The following CNTN6 variants were observed in gnomAD, a reference collection of about 807,000 sequenced individuals.
CNTN6 encodes contactin 6.
A neutral mutation model predicts 122.8 loss-of-function variants in CNTN6; 137 were observed. That is an observed-to-expected ratio of 1.12 (90% CI 0.97 to 1.29). The LOEUF (loss-of-function observed/expected upper bound fraction) is 1.29. CNTN6 is among the 50% of genes most tolerant of loss of function. CNTN6 has a pLI of 0.00. For missense variants in CNTN6, 1,634 were observed against 1,223.4 expected (o/e 1.34, Z -5.01); for synonymous variants, 570 against 426.0 (o/e 1.34, Z -4.16).
chr3:1,309,690 G>T (rs993727856), intron 7 of CNTN6, among the ~76,000 whole-genome samples: 1 of 151,996 alleles, frequency 6.6e-6, no homozygotes, highest in Non-Finnish European at 1.5e-5. Context: ...GTTTTGATTG[G>T]GATTGACTTA....
intron 1 of CNTN6, among the ~76,000 whole-genome samples, chr3:1,138,595 C>A (rs1447693875): frequency 2.0e-5 from 3 of 151,836 alleles, no homozygotes; most frequent in South Asian, 4.1e-4. Context: ...ACCACTTTTT[C>A]TTAAATACAT....
At chr3:1,212,387 G>C (rs560732768) in intron 2 of CNTN6, among the ~76,000 whole-genome samples, 1 of 151,146 alleles carries the variant, frequency 6.6e-6, no homozygotes, top group Non-Finnish European at 1.5e-5. Flanking sequence ...ATTTTGTAGA[G>C]AGTACCATTA....
Position 1,173,906 on chromosome 3 carries a change from G to A in CNTN6, c.55+25843G>A, listed in dbSNP as rs139565720. 2.9e-3 allele frequency among the ~76,000 whole-genome samples: 440 copies of A among 152,180 alleles called. 2 individuals carry two copies. The highest frequency in any genetic ancestry group is 4.6e-3 in the Non-Finnish European group (316 of 68,016). On this transcript the variant is annotated intron_variant, in intron 2 of 22. Transcript: ENST00000446702. ...TCTGTTTCTTTATTTGTAAACTGGT[G>A]GGGTTGGAATTATGAATTTTAAATT... is the stretch of plus-strand genomic sequence containing the variant.
chr3:1,383,522 T>A (rs1575986883), intron 19 of CNTN6, 114 bp downstream of exon 19: 1 of 758,840 alleles, frequency 1.3e-6, no homozygotes, highest in East Asian at 2.5e-5. Context: ...AATGTGTGTC[T>A]AAAGCTAAAG....
At chr3:1,314,505 A>G (rs1376275103) in intron 7 of CNTN6, among the ~76,000 whole-genome samples, 1 of 152,142 alleles carries the variant, frequency 6.6e-6, no homozygotes, top group Non-Finnish European at 1.5e-5. Flanking sequence ...AAGCTTTCTC[A>G]AATAGCACTA....
At chr3:1,119,717 A>C (rs928401781) in intron 1 of CNTN6, among the ~76,000 whole-genome samples, 17 of 151,906 alleles carry the variant, frequency 1.1e-4, no homozygotes, top group Non-Finnish European at 1.9e-4. Context: ...TGAAATTGTC[A>C]TTGACTTTAT....
intron 4 of CNTN6, among the ~76,000 whole-genome samples, chr3:1,259,151 G>A (rs2094805565): frequency 6.6e-6 from 1 of 152,044 alleles, no homozygotes; most frequent in South Asian, 2.1e-4. Flanking sequence ...CATTTATTAA[G>A]CATTTGCTAA....
intron 5 of CNTN6, among the ~76,000 whole-genome samples, chr3:1,281,832 G>A (rs1693501206): frequency 1.3e-5 from 2 of 152,142 alleles, no homozygotes; most frequent in African/African-American, 4.8e-5. Flanking sequence ...AGGGAGTTCG[G>A]CAGCAAGGGA....
intron 4 of CNTN6, among the ~76,000 whole-genome samples, chr3:1,228,494 A>T (rs981095754): frequency 5.3e-5 from 8 of 152,204 alleles, no homozygotes; most frequent in Non-Finnish European, 1.0e-4. Flanking sequence ...CAGCTGCATC[A>T]CATAAATGTC....
intron 2 of CNTN6, among the ~76,000 whole-genome samples, chr3:1,210,693 T>A (rs1219001016): frequency 6.6e-6 from 1 of 152,172 alleles, no homozygotes; most frequent in Non-Finnish European, 1.5e-5. Flanking sequence ...TTAATAGGGA[T>A]GTGATTTTGA....
At chr3:1,302,688 T>C (rs982945806) in intron 7 of CNTN6, among the ~76,000 whole-genome samples, 8 of 152,186 alleles carry the variant, frequency 5.3e-5, no homozygotes, top group African/African-American at 1.9e-4. Flanking sequence ...AACTAGGAAA[T>C]ATCACCCCCT....
At chr3:1,285,231 G>A (rs1215413972) in intron 5 of CNTN6, among the ~76,000 whole-genome samples, 1 of 152,194 alleles carries the variant, frequency 6.6e-6, no homozygotes, top group African/African-American at 2.4e-5. Flanking sequence ...CTGAAAGATT[G>A]AATGTGGGTT....
chr3:1,243,844 G>A (rs934191951), intron 4 of CNTN6, among the ~76,000 whole-genome samples: 7 of 152,008 alleles, frequency 4.6e-5, no homozygotes, highest in Non-Finnish European at 8.8e-5. Flanking sequence ...TGGGGAGGAC[G>A]GGAAAGGTCA....
chr3:1,363,988 T>G (rs1455703087), intron 12 of CNTN6, among the ~76,000 whole-genome samples: 1 of 151,960 alleles, frequency 6.6e-6, no homozygotes. Flanking sequence ...GGTTTAGATT[T>G]GCATTTGCCT....
At position 1,295,504 on chromosome 3, in the gene CNTN6, A is replaced by C. The variant is rs560210; in HGVS notation, c.455-97A>C. On this transcript the variant is annotated intron_variant, in intron 5 of 22. Coordinates refer to ENST00000446702, the MANE Select transcript of CNTN6 (RefSeq NM_001289080.2). The stretch of plus-strand genomic sequence containing the variant: ...GCAAATAGAGGCACAATTTTCTCCT[A>C]ATTATGGGGAAGTAAGACAAAGAAT... 2,644 of 975,174 alleles carry C rather than the reference A, an allele frequency of 2.7e-3. 49 individuals are homozygous for C. The African/African-American group carries it at 0.037, about 14-fold the overall frequency. 60.4% of individuals were successfully genotyped at this position (975,174 alleles called of 1,614,324 possible). A position where few individuals can be genotyped will look rare whatever the true frequency, so the allele number is the denominator to read the frequency against.
intron 11 of CNTN6, among the ~76,000 whole-genome samples, chr3:1,333,259 T>C (rs1437584900): frequency 6.6e-6 from 1 of 152,062 alleles, no homozygotes. Flanking sequence ...GTACATACAC[T>C]GTTCAATGCT....
chr3:1,299,744 G>GA (rs890693558), intron 7 of CNTN6, among the ~76,000 whole-genome samples: 3 of 152,142 alleles, frequency 2.0e-5, no homozygotes, highest in Non-Finnish European at 2.9e-5. Context: ...AACTGCTTTT[G>GA]AAATCCTGGG....
chr3:1,310,354 T>G (rs1454295890), intron 7 of CNTN6, among the ~76,000 whole-genome samples: 1 of 152,156 alleles, frequency 6.6e-6, no homozygotes, highest in African/African-American at 2.4e-5. Flanking sequence ...TCCAAATGCT[T>G]TTTTTGGCAC....
At chr3:1,384,792 T>TACACAC (rs1478251803) in intron 19 of CNTN6, among the ~76,000 whole-genome samples, 8 of 111,776 alleles carry the variant, frequency 7.2e-5, no homozygotes, top group African/African-American at 2.7e-4. Context: ...TATATATATA[T>TACACAC]ATATACACAC....
Sources: gnomAD v4.1 joint callset for allele counts (sites outside exome capture counted in the v4.1 genomes callset) on GRCh38, gnomAD v4.1.1 for gene constraint, MANE v1.5 for transcripts, NCBI Gene and HGNC (gene_info 2026-07-23, HGNC 2026-07-21) for gene names.